Variants in FRMD6 observed in about 807,000 individuals in gnomAD.
FRMD6 encodes FERM domain-containing protein 6.
FRMD6 carries 37 observed loss-of-function variants against 73.2 expected under a neutral mutation model. The observed-to-expected ratio is 0.51, with a 90% CI of 0.39 to 0.66. FRMD6 has a LOEUF of 0.66. Among genes scored for constraint, FRMD6 ranks in the 30% least tolerant of loss-of-function variants. FRMD6 has a pLI of 0.00. For synonymous variants in FRMD6, 273 were observed against 282.2 expected, an observed-to-expected ratio of 0.97 and a Z score of 0.33; for missense variants, 714 against 780.5, an observed-to-expected ratio of 0.91 and a Z score of 1.02.
At chr14:51,668,467 G>A (rs1350471320) in intron 1 of FRMD6, among the ~76,000 whole-genome samples, 3 of 151,886 alleles carry the variant, frequency 2.0e-5, no homozygotes, top group South Asian at 2.1e-4. Context: ...TACCATGCTC[G>A]GCTAATTTTT....
chr14:51,401,619 T>G, the FRMD6 span, among the ~76,000 whole-genome samples: 1 of 152,218 alleles, frequency 6.6e-6, no homozygotes, highest in African/African-American at 2.4e-5. Flanking sequence ...AGTCTTCAAT[T>G]TCTCTGAAGA....
chr14:51,475,694 A>G, the FRMD6 span, among the ~76,000 whole-genome samples: 1 of 152,254 alleles, frequency 6.6e-6, no homozygotes, highest in Admixed American at 6.5e-5. Flanking sequence ...AACATTTAAA[A>G]TTCTCATTTA....
At chr14:51,658,140 T>A (rs1892970744) in intron 1 of FRMD6, among the ~76,000 whole-genome samples, 1 of 152,190 alleles carries the variant, frequency 6.6e-6, no homozygotes, top group Non-Finnish European at 1.5e-5. Context: ...ATTGGGGGGC[T>A]CACTGCCTGG....
intron 2 of FRMD6, chr14:51,578,867 C>A (rs906900936): frequency 6.6e-6 from 1 of 152,120 alleles, no homozygotes; most frequent in Non-Finnish European, 1.5e-5. Context: ...GGGAATAGTA[C>A]GAGTTTGGGT....
chr14:51,700,576 G>A lies in FRMD6; in HGVS notation c.191-480G>A, dbSNP rs564020152. 5.9e-5 allele frequency among the ~76,000 whole-genome samples: 9 copies of A among 152,098 alleles called. No homozygotes were observed. In the South Asian group the frequency reaches 1.9e-3, roughly 32 times the overall value. ...TAAAGATTAGTCTTCACAAAATGTG[G>A]GTCAGACTTCTCACTTGGAAATGAG... On this transcript the variant is annotated intron_variant, in intron 3 of 13. Coordinates refer to ENST00000344768, the MANE Select transcript of FRMD6 (RefSeq NM_001267046.2).
chr14:51,456,164 ATTATAC>A, the FRMD6 span, among the ~76,000 whole-genome samples: 1 of 151,888 alleles, frequency 6.6e-6, no homozygotes, highest in African/African-American at 2.4e-5. Context: ...AATTTTTTTT[ATTATAC>A]TTTAAGTTCT....
the FRMD6 span, among the ~76,000 whole-genome samples, chr14:51,462,134 G>C: frequency 6.6e-6 from 1 of 152,208 alleles, no homozygotes; most frequent in African/African-American, 2.4e-5. Flanking sequence ...CTTTTAAAAA[G>C]CAGTGGGACT....
intron 1 of FRMD6, among the ~76,000 whole-genome samples, chr14:51,555,706 G>T (rs1887088214): frequency 6.6e-6 from 1 of 151,906 alleles, no homozygotes; most frequent in South Asian, 2.1e-4. Context: ...GGAGGCTGAG[G>T]CAGGAGAATC....
intron 1 of FRMD6, among the ~76,000 whole-genome samples, chr14:51,527,912 G>A (rs1210367947): frequency 6.6e-6 from 1 of 152,116 alleles, no homozygotes; most frequent in African/African-American, 2.4e-5. Flanking sequence ...AGGCTGAGGT[G>A]GGAGGATCAC....
intron 1 of FRMD6, among the ~76,000 whole-genome samples, chr14:51,685,770 A>T (rs1895107113): frequency 6.6e-6 from 1 of 152,142 alleles, no homozygotes; most frequent in South Asian, 2.1e-4. Context: ...TGGCAGTGTG[A>T]TATGTCCTTA....
In FRMD6 at chr14:51,720,102, G is replaced by C. The variant is rs562518158; in HGVS notation, c.1072G>C (p.Asp358His). 6.2e-7 allele frequency: 1 copy of C among 1,613,674 alleles called. No individual in the cohort carries two copies. Among genetic ancestry groups the C allele is most frequent in the Admixed American group, 1.7e-5 (1 of 60,018 alleles). The change falls in exon 11 of 14, where the codon GAC (aspartate) becomes CAC (histidine). Residue 358 changes from aspartate to histidine, a missense_variant. Physicochemically the swap from Asp to His is moderately conservative, Grantham distance 81. Transcript: ENST00000344768. ...TTACATCAGTGACAACCTGGACCTC[G>C]ACATGGACCAGCTGGAAAAACGGTC... ...ESYISDNLDL[D>H]MDQLEKRSRA...
chr14:51,485,246 A>G (rs939645488), upstream of FRMD6, among the ~76,000 whole-genome samples: 1 of 152,138 alleles, frequency 6.6e-6, no homozygotes, highest in African/African-American at 2.4e-5. Context: ...GCTCACCTAC[A>G]CAAGTCTCAT....
At chr14:51,690,631 G>A (rs540543342) in intron 2 of FRMD6, among the ~76,000 whole-genome samples, 5 of 152,202 alleles carry the variant, frequency 3.3e-5, no homozygotes, top group African/African-American at 9.6e-5. Flanking sequence ...GGTGATCCGC[G>A]TCAGCCTCCC....
At chr14:51,464,449 T>C in the FRMD6 span, among the ~76,000 whole-genome samples, 1 of 151,748 alleles carries the variant, frequency 6.6e-6, no homozygotes, top group East Asian at 1.9e-4. Context: ...AAAAAACAGA[T>C]GAAGTGGTCC....
intron 2 of FRMD6, among the ~76,000 whole-genome samples, chr14:51,632,295 C>T (rs1008523042): frequency 2.0e-5 from 3 of 152,096 alleles, no homozygotes; most frequent in Admixed American, 6.6e-5. Context: ...CTTATAGCAG[C>T]GTGAGAATGA....
In FRMD6 at chr14:51,724,724, G is replaced by GT. The variant is rs1293342372; in HGVS notation, c.1493-1049dup. 8.6e-3 allele frequency among the ~76,000 whole-genome samples: 1,201 copies of GT among 139,552 alleles called. 17 individuals carry two copies. The highest frequency in any genetic ancestry group is 0.011 in the Admixed American group (154 of 13,946). 91.6% of individuals were successfully genotyped at this position (139,552 alleles called of 152,430 possible). On this transcript the variant is annotated intron_variant, in intron 12 of 13. Transcript: ENST00000344768. The stretch of plus-strand genomic sequence containing the variant: ...GAATAAGAATCACATTACTTAAAGG[G>GT]TTTTTTGTTTTTTTTTTTTAAGAAG...
intron 1 of FRMD6, among the ~76,000 whole-genome samples, chr14:51,512,653 A>G (rs1242947410): frequency 1.3e-5 from 2 of 152,034 alleles, no homozygotes; most frequent in African/African-American, 4.8e-5. Context: ...AAAAGAACTA[A>G]AGTCTGGGAC....
intron 1 of FRMD6, among the ~76,000 whole-genome samples, chr14:51,568,087 AG>A: frequency 6.6e-6 from 1 of 152,370 alleles, no homozygotes; most frequent in Non-Finnish European, 1.5e-5. Context: ...TAAATGTTTA[AG>A]AAGAAAGCAC....
chr14:51,555,014 A>T (rs1887049409), intron 1 of FRMD6, among the ~76,000 whole-genome samples: 1 of 152,232 alleles, frequency 6.6e-6, no homozygotes, highest in Non-Finnish European at 1.5e-5. Context: ...GGTTTTTAAA[A>T]GAGCCATCCT....
Sources: gnomAD v4.1 joint callset for allele counts (sites outside exome capture counted in the v4.1 genomes callset) on GRCh38, gnomAD v4.1.1 for gene constraint, MANE v1.5 for transcripts, NCBI Gene and HGNC (gene_info 2026-07-23, HGNC 2026-07-21) for gene names.